The following OGT variants were observed in gnomAD, a reference collection of about 807,000 sequenced individuals.
OGT encodes UDP-N-acetylglucosamine--peptide N-acetylglucosaminyltransferase 110 kDa subunit.
In OGT, 3 loss-of-function variants were observed where a neutral mutation model predicts 75.8. The observed-to-expected ratio is 0.04, with a 90% CI of 0.02 to 0.10. The LOEUF (loss-of-function observed/expected upper bound fraction) is 0.10. OGT is among the 10% of genes least tolerant of loss of function. The probability of loss-of-function intolerance (pLI) is 1.00; values close to 1 mark genes in which losing one functional copy is unlikely to be tolerated. For missense variants in OGT, 260 were observed against 824.4 expected (o/e 0.32, Z 8.38); for synonymous variants, 257 against 289.7 (o/e 0.89, Z 1.15).
chrX:71,556,668 G>T lies in OGT; in HGVS notation c.1066-12G>T. 2 of 1,118,682 alleles carry T rather than the reference G, an allele frequency of 1.8e-6. No individual in the cohort carries two copies. The highest frequency in any genetic ancestry group is 2.1e-5 in the South Asian group (1 of 47,205). The allele number at this position is 1,118,682 out of a possible 1,213,427, so 92.2% of individuals were successfully genotyped here. A position where few individuals can be genotyped will look rare whatever the true frequency, so the allele number is the denominator to read the frequency against. On this transcript the variant is annotated splice_polypyrimidine_tract_variant and intron_variant, in intron 8 of 21. Transcript: ENST00000373719. ...TTTTTTTAACCTCAGTTCTGATCTT[G>T]ACTCTTTATAGGTCTTCCCAGAGTT...
chrX:71,561,734 C>T (rs1243976976), intron 14 of OGT, 41 bp from the exon 15 acceptor site: 1 of 1,091,611 alleles, frequency 9.2e-7, no homozygotes, highest in East Asian at 3.2e-5. Flanking sequence ...ACTAATTGAT[C>T]TGAGATTATA....
intron 2 of OGT, among the ~76,000 whole-genome samples, chrX:71,537,550 G>A (rs191620193): frequency 8.9e-4 from 100 of 111,948 alleles, no homozygotes; most frequent in African/African-American, 3.1e-3. Context: ...TGATCCTCCC[G>A]CCTCAGCCTC....
intron 11 of OGT, 92 bp from the exon 12 acceptor site, chrX:71,557,401 G>A (rs189135971): frequency 2.2e-5 from 23 of 1,055,424 alleles, no homozygotes; most frequent in Non-Finnish European, 2.9e-5. Context: ...TTTTTAATAG[G>A]CTATCTGACA....
intron 15 of OGT, 152 bp downstream of exon 15, chrX:71,562,052 A>C (rs1427962249): frequency 2.0e-6 from 1 of 509,865 alleles, no homozygotes; most frequent in African/African-American, 2.4e-5. Flanking sequence ...CAGGACAAAA[A>C]GAGTGTAGAG....
chrX:71,560,223 A>C (rs931112674), intron 14 of OGT, among the ~76,000 whole-genome samples: 2 of 105,000 alleles, frequency 1.9e-5, no homozygotes, highest in African/African-American at 7.0e-5. Flanking sequence ...AGGTTGCAGT[A>C]AGCTGAGATC....
chrX:71,569,735 TCTTTTC>T (rs1433177726), intron 21 of OGT, among the ~76,000 whole-genome samples: 2 of 110,286 alleles, frequency 1.8e-5, no homozygotes, highest in East Asian at 5.7e-4. Context: ...ATTTCTTTTT[TCTTTTC>T]CTTTTTTTTT....
chrX:71,563,410 G>A lies in OGT; in HGVS notation c.2347G>A (p.Ala783Thr). ...NMPVIPMNTIAEAVIEMINRG... is the reference protein window; with the variant it reads ...NMPVIPMNTITEAVIEMINRG... Reference sequence around the variant, plus strand: ...GCCTGTTATTCCTATGAATACTATTGCAGAAGCAGTTATTGAAATGATTAA... The same window carrying A: ...GCCTGTTATTCCTATGAATACTATTACAGAAGCAGTTATTGAAATGATTAA... Residue 783 changes from alanine to threonine, a missense_variant, in exon 18 of 22, where the codon GCA becomes ACA. Around this residue, in one of 6 missense-constraint regions of OGT, gnomAD observed 79 missense variants for 141.0 expected, o/e 0.56. Transcript: ENST00000373719. 1 of 1,203,132 alleles carries A rather than the reference G, an allele frequency of 8.3e-7. No individual in the cohort carries two copies. Among genetic ancestry groups the A allele is most frequent in the East Asian group, 3.0e-5 (1 of 33,823 alleles).
At chrX:71,570,670 T>C (rs377473849) in intron 21 of OGT, among the ~76,000 whole-genome samples, 8 of 111,774 alleles carry the variant, frequency 7.2e-5, no homozygotes, top group Non-Finnish European at 1.5e-4. Flanking sequence ...TAGCTACTTA[T>C]TATTTTCAGA....
rs1207320117 is a variant in OGT, at chrX:71,555,170, G to GTGTT, written c.729-17_729-16insTTGT. ...TGTGTGTGTGTGTGTGTGTGTGTGT[G>GTGTT]TGTGTGTGTTTATTTACAGAGCTGT... On this transcript the variant is annotated intron_variant, in intron 6 of 21. Coordinates refer to ENST00000373719, the MANE Select transcript of OGT (RefSeq NM_181672.3). 1 of 1,124,887 alleles carries GTGTT rather than the reference G, an allele frequency of 8.9e-7. No individual in the cohort carries two copies. The highest frequency in any genetic ancestry group is 1.8e-5 in the African/African-American group (1 of 55,549). 92.7% of individuals were successfully genotyped at this position (1,124,887 alleles called of 1,213,427 possible).
At position 71,547,046 on chromosome X, in the gene OGT, C is replaced by T. The variant is rs1385513385; in HGVS notation, c.532-861C>T. On this transcript the variant is annotated intron_variant, in intron 4 of 21. Transcript: ENST00000373719. ...GGGTGTTCTATGTAGCGCAGCAGTT[C>T]GCAGCGATTGCGCAGTGCGATGCTG... 7 of 753,327 alleles carry T rather than the reference C, an allele frequency of 9.3e-6. No homozygotes were observed. The African/African-American group carries it at 1.2e-4, about 12-fold the overall frequency. 62.1% of individuals were successfully genotyped at this position (753,327 alleles called of 1,213,427 possible). A position where few individuals can be genotyped will look rare whatever the true frequency, so the allele number is the denominator to read the frequency against.
chrX:71,573,706 G>A lies in OGT; in HGVS notation c.3053G>A (p.Arg1018Gln), dbSNP rs768030183. The A allele has an allele frequency of 5.0e-6, 6 of 1,208,522 alleles. No homozygotes were observed. The highest frequency in any genetic ancestry group is 2.3e-4 in the Middle Eastern group (1 of 4,352). The change falls in exon 22 of 22, where the codon CGG (arginine) becomes CAG (glutamine). Residue 1018 changes from arginine (R) to glutamine (Q), a missense_variant. Transcript: ENST00000373719. ...AAACAATACACAATGGAACTAGAGC[G>A]GCTCTATCTACAGATGTGGGAGCAT... Reference protein sequence around the residue: ...NTKQYTMELERLYLQMWEHYA... With the variant: ...NTKQYTMELEQLYLQMWEHYA...
intron 5 of OGT, among the ~76,000 whole-genome samples, chrX:71,548,433 C>G (rs1184626185): frequency 9.0e-6 from 1 of 111,168 alleles, no homozygotes; most frequent in Non-Finnish European, 1.9e-5. Context: ...GAGACCCTGT[C>G]TCTAAGATTA....
intron 4 of OGT, chrX:71,547,328 C>A: frequency 1.4e-6 from 1 of 718,795 alleles, no homozygotes; most frequent in Non-Finnish European, 1.6e-6. Context: ...TAATAAAATG[C>A]CCAATGAAAG....
intron 14 of OGT, among the ~76,000 whole-genome samples, chrX:71,561,433 A>G (rs1378663534): frequency 9.5e-6 from 1 of 105,775 alleles, no homozygotes; most frequent in Non-Finnish European, 1.9e-5. Flanking sequence ...TGAGACCATC[A>G]TGGGCAACAT....
At chrX:71,555,879 A>G (rs769855156) in intron 7 of OGT, 75 bp from the exon 8 acceptor site, 94 of 1,098,608 alleles carry the variant, frequency 8.6e-5, no homozygotes, top group Non-Finnish European at 1.0e-4. Flanking sequence ...GGCTTAATTA[A>G]ACAATTATTA....
At chrX:71,566,783 A>G (rs1022844765) in intron 19 of OGT, among the ~76,000 whole-genome samples, 8 of 112,588 alleles carry the variant, frequency 7.1e-5, no homozygotes, top group African/African-American at 2.6e-4. Flanking sequence ...TGAGGGTGTT[A>G]ATGTGATACA....
intron 18 of OGT, 63 bp downstream of exon 18, chrX:71,563,562 C>T: frequency 1.1e-6 from 1 of 902,472 alleles, no homozygotes; most frequent in South Asian, 2.8e-5. Flanking sequence ...CCCTTAACCT[C>T]ATGATAACTC....
In OGT at chrX:71,555,490, G is replaced by A. The variant is rs184535013; in HGVS notation, c.924+105G>A. 122 of 716,507 alleles carry A rather than the reference G, an allele frequency of 1.7e-4. No individual in the cohort carries two copies. In the African/African-American group the frequency reaches 2.3e-3, roughly 14 times the overall value. 59.0% of individuals were successfully genotyped at this position (716,507 alleles called of 1,213,427 possible). On this transcript the variant is annotated intron_variant, in intron 7 of 21. Transcript: ENST00000373719. ...TAATGCCAGCACTTCGGGAGGCCGAGATCAGAGGATTGCTTGAGCTTAGGG... is the reference window on the plus strand; with the variant it reads ...TAATGCCAGCACTTCGGGAGGCCGAAATCAGAGGATTGCTTGAGCTTAGGG...
intron 14 of OGT, among the ~76,000 whole-genome samples, chrX:71,560,488 C>T (rs956125477): frequency 1.8e-5 from 2 of 110,468 alleles, no homozygotes; most frequent in Non-Finnish European, 3.8e-5. Flanking sequence ...CTATTAGCCA[C>T]TTTGACTAAT....
Sources: gnomAD v4.1 joint callset for allele counts (sites outside exome capture counted in the v4.1 genomes callset) on GRCh38, gnomAD v4.1.1 for gene constraint, gnomAD v4.1.1 regional missense constraint, MANE v1.5 for transcripts, NCBI Gene and HGNC (gene_info 2026-07-23, HGNC 2026-07-21) for gene names.